HEXIM1: variants seen among roughly 807,000 people sequenced by gnomAD.
HEXIM1 encodes HEXIM P-TEFb complex subunit 1.
HEXIM1 carries 1 observed loss-of-function variant against 30.3 expected under a neutral mutation model. The observed-to-expected ratio is 0.03, with a 90% CI of 0.01 to 0.16. The LOEUF is 0.16. Among genes scored for constraint, HEXIM1 ranks in the 10% least tolerant of loss-of-function variants. HEXIM1 has a pLI of 1.00. For missense variants in HEXIM1, 391 were observed against 476.4 expected (o/e 0.82, Z 1.67); for synonymous variants, 245 against 208.3 (o/e 1.18, Z -1.52).
At position 45,150,150 on chromosome 17, in the gene HEXIM1, G is replaced by C. The variant is rs1342267787; in HGVS notation, c.960G>C (p.Ala320=). ...GCAAGCGGCTGGGTGGCGACGACGC[G>C]CGTGTGCGGGAGCTGGAGCTGGAGC... The part of the protein sequence containing the change: ...LESKRLGGDD[A]RVRELELELD... The change falls in exon 1 of 1, where the codon GCG becomes GCC. Residue 320 remains alanine (A), a synonymous_variant. Coordinates refer to ENST00000332499, the MANE Select transcript of HEXIM1 (RefSeq NM_006460.3). 3.1e-6 allele frequency: 5 copies of C among 1,613,392 alleles called. No individual in the cohort carries two copies. Among genetic ancestry groups the C allele is most frequent in the Admixed American group, 3.3e-5 (2 of 60,002 alleles).
Position 45,150,911 on chromosome 17 carries a change from T to C in HEXIM1, c.*641T>C, listed in dbSNP as rs1182303243. The stretch of plus-strand genomic sequence containing the variant: ...TTGCTTTCTAGTGCCTTGGTTTTCT[T>C]TCTTGATGCTGGAAAAATAAACAAA... On this transcript the variant is annotated 3_prime_UTR_variant, in exon 1 of 1. Coordinates refer to ENST00000332499, the MANE Select transcript of HEXIM1 (RefSeq NM_006460.3). The C allele has an allele frequency of 6.0e-6, 1 of 167,096 alleles. No homozygotes were observed. The highest frequency in any genetic ancestry group is 1.5e-5 in the Non-Finnish European group (1 of 68,136). 10.4% of individuals were successfully genotyped at this position (167,096 alleles called of 1,614,324 possible). A position where few individuals can be genotyped will look rare whatever the true frequency, so the allele number is the denominator to read the frequency against.
Position 45,148,549 on chromosome 17 carries a change from G to A in HEXIM1, c.-642G>A. 2.5e-6 allele frequency: 1 copy of A among 399,974 alleles called. No individual in the cohort carries two copies. Among genetic ancestry groups the A allele is most frequent in the Non-Finnish European group, 4.4e-6 (1 of 226,896 alleles). The allele number at this position is 399,974 out of a possible 1,614,324, so 24.8% of individuals were successfully genotyped here. A position where few individuals can be genotyped will look rare whatever the true frequency, so the allele number is the denominator to read the frequency against. ...GGGAGGACGCGGAAGAGGAGCTGTG[G>A]GAAGGGGGAGGAGGGAGGGAGGAAA... On this transcript the variant is annotated 5_prime_UTR_variant, in exon 1 of 1. Transcript: ENST00000332499.
Position 45,150,564 on chromosome 17 carries a change from C to A in HEXIM1, c.*294C>A. The A allele has an allele frequency of 2.8e-6, 1 of 351,898 alleles. No homozygotes were observed. The allele number at this position is 351,898 out of a possible 1,614,324, so 21.8% of individuals were successfully genotyped here. A position where few individuals can be genotyped will look rare whatever the true frequency, so the allele number is the denominator to read the frequency against. ...AATGCATTTTTGTTTTTAACAAATC[C>A]CCTCCTTAAACGGAGCTATAAGGTG... On this transcript the variant is annotated 3_prime_UTR_variant, in exon 1 of 1. Transcript: ENST00000332499.
Position 45,149,694 on chromosome 17 carries a change from C to T in HEXIM1, c.504C>T (p.Tyr168=). ...SKKKRHWKPY[Y]KLTWEEKKKF... Reference sequence around the variant, plus strand: ...AGAAGCGGCATTGGAAACCGTACTACAAGCTGACCTGGGAAGAGAAGAAAA... The same window carrying T: ...AGAAGCGGCATTGGAAACCGTACTATAAGCTGACCTGGGAAGAGAAGAAAA... Residue 168 remains tyrosine (Y), a synonymous_variant, in exon 1 of 1, where the codon TAC becomes TAT. Coordinates refer to ENST00000332499, the MANE Select transcript of HEXIM1 (RefSeq NM_006460.3). This position sits in a 1 kb window ranked among gnomAD's most constrained non-coding sequence, Gnocchi z 5.3. The T allele has an allele frequency of 6.2e-7, 1 of 1,612,672 alleles. No homozygotes were observed. Among genetic ancestry groups the T allele is most frequent in the African/African-American group, 1.3e-5 (1 of 74,992 alleles).
rs111687345 is a variant in HEXIM1, at chr17:45,149,105, CTTTT to C, written c.-84_-81del. 8 of 1,139,442 alleles carry C rather than the reference CTTTT, an allele frequency of 7.0e-6. No homozygotes were observed. The highest frequency in any genetic ancestry group is 8.5e-6 in the Non-Finnish European group (7 of 827,272). The allele number at this position is 1,139,442 out of a possible 1,614,324, so 70.6% of individuals were successfully genotyped here. A position where few individuals can be genotyped will look rare whatever the true frequency, so the allele number is the denominator to read the frequency against. ...GACTCTGTTGGACTGTTTTTTTTTT[CTTTT>C]TCTTTTTTTTAAGAAAAACCCATTT... On this transcript the variant is annotated 5_prime_UTR_variant, in exon 1 of 1. Transcript: ENST00000332499. The surrounding 1 kb of genome is among the most constrained non-coding windows in gnomAD (Gnocchi z 5.3).
Position 45,148,848 on chromosome 17 carries a change from AC to A in HEXIM1, c.-340del. The stretch of plus-strand genomic sequence containing the variant: ...GGGCTGGGTTTCACGCACTGGACTT[AC>A]CCTCATCACCTTGCTCACCAACTCC... On this transcript the variant is annotated 5_prime_UTR_variant, in exon 1 of 1. Transcript: ENST00000332499. 2.3e-6 allele frequency: 1 copy of A among 426,792 alleles called. No individual in the cohort carries two copies. The highest frequency in any genetic ancestry group is 4.1e-6 in the Non-Finnish European group (1 of 241,900). 26.4% of individuals were successfully genotyped at this position (426,792 alleles called of 1,614,324 possible). A position where few individuals can be genotyped will look rare whatever the true frequency, so the allele number is the denominator to read the frequency against.
At position 45,150,075 on chromosome 17, in the gene HEXIM1, G is replaced by C; in HGVS notation, c.885G>C (p.Glu295Asp). 1 of 1,613,992 alleles carries C rather than the reference G, an allele frequency of 6.2e-7. No individual in the cohort carries two copies. The highest frequency in any genetic ancestry group is 8.5e-7 in the Non-Finnish European group (1 of 1,180,050). Residue 295 changes from glutamate to aspartate, a missense_variant, in exon 1 of 1, where the codon GAG becomes GAC. Physicochemically the swap from Glu to Asp is conservative, Grantham distance 45. This residue lies in a region of HEXIM1 where 20 missense variants were observed against 68.1 expected (regional missense o/e 0.29). Transcript: ENST00000332499. The part of the protein sequence containing the change: ...QELIKEYLEL[E>D]KCLSRMEDEN... Reference sequence around the variant, plus strand: ...TCATCAAGGAGTACCTGGAACTGGAGAAGTGCCTCTCGCGCATGGAGGACG... The same window carrying C: ...TCATCAAGGAGTACCTGGAACTGGACAAGTGCCTCTCGCGCATGGAGGACG...
chr17:45,151,878 G>A lies in HEXIM1; in HGVS notation c.*1608G>A, dbSNP rs2055549650. 1.2e-5 allele frequency: 2 copies of A among 167,114 alleles called. No homozygotes were observed. Among genetic ancestry groups the A allele is most frequent in the South Asian group, 2.1e-4 (1 of 4,828 alleles). 10.4% of individuals were successfully genotyped at this position (167,114 alleles called of 1,614,324 possible). ...AAGCATGCTTTTGCAGTTAAATGGC[G>A]ATGGTGGAGGTGATAGGGACTTCAA... On this transcript the variant is annotated 3_prime_UTR_variant, in exon 1 of 1. Transcript: ENST00000332499.
Position 45,149,536 on chromosome 17 carries a change from G to A in HEXIM1, c.346G>A (p.Glu116Lys), listed in dbSNP as rs745438153. 6 of 1,606,438 alleles carry A rather than the reference G, an allele frequency of 3.7e-6. No homozygotes were observed. Among genetic ancestry groups the A allele is most frequent in the South Asian group, 1.1e-5 (1 of 90,580 alleles). ...AGAAGTGGAACCGACGCCCGAGGCC[G>A]AGCTGCTCGCCCAGCCTTGTCATGA... ...PAEVEPTPEAELLAQPCHDSE... is the reference protein window; with the variant it reads ...PAEVEPTPEAKLLAQPCHDSE... Residue 116 changes from glutamate to lysine, a missense_variant, in exon 1 of 1, where the codon GAG becomes AAG. Around this residue, in one of 5 missense-constraint regions of HEXIM1, gnomAD observed 230 missense variants for 199.4 expected, o/e 1.15. Transcript: ENST00000332499. This position sits in a 1 kb window ranked among gnomAD's most constrained non-coding sequence, Gnocchi z 5.3.
In HEXIM1 at chr17:45,148,844, A is replaced by G; in HGVS notation, c.-347A>G. On this transcript the variant is annotated 5_prime_UTR_variant, in exon 1 of 1. Transcript: ENST00000332499. ...TTCGGGGCTGGGTTTCACGCACTGG[A>G]CTTACCCTCATCACCTTGCTCACCA... 2.3e-6 allele frequency: 1 copy of G among 426,384 alleles called. No homozygotes were observed. Among genetic ancestry groups the G allele is most frequent in the Non-Finnish European group, 4.1e-6 (1 of 241,622 alleles). 26.4% of individuals were successfully genotyped at this position (426,384 alleles called of 1,614,324 possible). A position where few individuals can be genotyped will look rare whatever the true frequency, so the allele number is the denominator to read the frequency against.
chr17:45,148,922 T>G lies in HEXIM1; in HGVS notation c.-269T>G. 1 of 470,146 alleles carries G rather than the reference T, an allele frequency of 2.1e-6. No individual in the cohort carries two copies. Among genetic ancestry groups the G allele is most frequent in the Non-Finnish European group, 3.7e-6 (1 of 267,980 alleles). 29.1% of individuals were successfully genotyped at this position (470,146 alleles called of 1,614,324 possible). On this transcript the variant is annotated 5_prime_UTR_variant, in exon 1 of 1. It adds an upstream start codon to the 5' untranslated region. Coordinates refer to ENST00000332499, the MANE Select transcript of HEXIM1 (RefSeq NM_006460.3). ...AGGTTTGAGGCCCACCTCCGCCCAT[T>G]ACGTACTGTTCCTGCCGCTGCACCC...
In HEXIM1 at chr17:45,148,586, C is replaced by T. The variant is rs1322877519; in HGVS notation, c.-605C>T. ...AGGGAGGGAGGAAAAGAGGAGGAGG[C>T]GGAGGAGAACTGAGCAGAGCAGAGC... On this transcript the variant is annotated 5_prime_UTR_variant, in exon 1 of 1. Coordinates refer to ENST00000332499, the MANE Select transcript of HEXIM1 (RefSeq NM_006460.3). The T allele has an allele frequency of 2.0e-5, 8 of 399,044 alleles. No individual in the cohort carries two copies. Among genetic ancestry groups the T allele is most frequent in the Admixed American group, 8.8e-5 (2 of 22,670 alleles). The allele number at this position is 399,044 out of a possible 1,614,324, so 24.7% of individuals were successfully genotyped here. A position where few individuals can be genotyped will look rare whatever the true frequency, so the allele number is the denominator to read the frequency against.
Position 45,148,854 on chromosome 17 carries a change from A to G in HEXIM1, c.-337A>G, listed in dbSNP as rs1300477205. ...GGTTTCACGCACTGGACTTACCCTC[A>G]TCACCTTGCTCACCAACTCCTTTAT... is the stretch of plus-strand genomic sequence containing the variant. On this transcript the variant is annotated 5_prime_UTR_variant, in exon 1 of 1. Coordinates refer to ENST00000332499, the MANE Select transcript of HEXIM1 (RefSeq NM_006460.3). 7.0e-6 allele frequency: 3 copies of G among 429,832 alleles called. No homozygotes were observed. The highest frequency in any genetic ancestry group is 4.1e-5 in the African/African-American group (2 of 48,960). The allele number at this position is 429,832 out of a possible 1,614,324, so 26.6% of individuals were successfully genotyped here. A position where few individuals can be genotyped will look rare whatever the true frequency, so the allele number is the denominator to read the frequency against.
rs776102182 is a variant in HEXIM1 at position 45,150,219 on chromosome 17, C to G, written c.1029C>G (p.Asn343Lys). Residue 343 changes from asparagine (N) to lysine (K), a missense_variant, in exon 1 of 1, where the codon AAC becomes AAG. Transcript: ENST00000332499. ...RAENLQLLTENELHRQQERAP... is the reference protein window; with the variant it reads ...RAENLQLLTEKELHRQQERAP... Reference sequence around the variant, plus strand: ...AGAACCTCCAGCTGCTGACCGAGAACGAACTGCACCGGCAGCAGGAGCGAG... The same window carrying G: ...AGAACCTCCAGCTGCTGACCGAGAAGGAACTGCACCGGCAGCAGGAGCGAG... 2.0e-5 allele frequency: 33 copies of G among 1,611,170 alleles called. No individual in the cohort carries two copies. Among genetic ancestry groups the G allele is most frequent in the Non-Finnish European group, 2.8e-5 (33 of 1,178,496 alleles).
In HEXIM1 at chr17:45,148,551, A is replaced by C; in HGVS notation, c.-640A>C. 2.6e-6 allele frequency: 1 copy of C among 387,700 alleles called. No individual in the cohort carries two copies. Among genetic ancestry groups the C allele is most frequent in the Non-Finnish European group, 4.6e-6 (1 of 219,748 alleles). 24.0% of individuals were successfully genotyped at this position (387,700 alleles called of 1,614,324 possible). On this transcript the variant is annotated 5_prime_UTR_variant, in exon 1 of 1. Coordinates refer to ENST00000332499, the MANE Select transcript of HEXIM1 (RefSeq NM_006460.3). ...GAGGACGCGGAAGAGGAGCTGTGGGAAGGGGGAGGAGGGAGGGAGGAAAAG... is the reference window on the plus strand; with the variant it reads ...GAGGACGCGGAAGAGGAGCTGTGGGCAGGGGGAGGAGGGAGGGAGGAAAAG...
At position 45,149,214 on chromosome 17, in the gene HEXIM1, A is replaced by T; in HGVS notation, c.24A>T (p.Glu8Asp). The change falls in exon 1 of 1, where the codon GAA (glutamate) becomes GAT (aspartate). Residue 8 changes from glutamate to aspartate, a missense_variant. Transcript: ENST00000332499. This position sits in a 1 kb window ranked among gnomAD's most constrained non-coding sequence, Gnocchi z 5.3. MAEPFLS[E>D]YQHQPQTSNC... ...CCATGGCCGAGCCATTCTTGTCAGA[A>T]TATCAACACCAGCCTCAAACTAGCA... The T allele has an allele frequency of 6.2e-7, 1 of 1,613,002 alleles. No homozygotes were observed. The highest frequency in any genetic ancestry group is 1.1e-5 in the South Asian group (1 of 91,078).
rs538565184 is a variant in HEXIM1, at chr17:45,148,737, C to A, written c.-454C>A. On this transcript the variant is annotated 5_prime_UTR_variant, in exon 1 of 1. Coordinates refer to ENST00000332499, the MANE Select transcript of HEXIM1 (RefSeq NM_006460.3). ...GAGGAGGTGGCGCCGGGACTTTAACCCCTTGTGGGCTCTGCGGCAGGGGAT... is the reference window on the plus strand; with the variant it reads ...GAGGAGGTGGCGCCGGGACTTTAACACCTTGTGGGCTCTGCGGCAGGGGAT... 4 of 401,452 alleles carry A rather than the reference C, an allele frequency of 1.0e-5. No homozygotes were observed. Among genetic ancestry groups the A allele is most frequent in the Admixed American group, 8.7e-5 (2 of 23,114 alleles). The allele number at this position is 401,452 out of a possible 1,614,324, so 24.9% of individuals were successfully genotyped here. A position where few individuals can be genotyped will look rare whatever the true frequency, so the allele number is the denominator to read the frequency against.
Position 45,148,600 on chromosome 17 carries a change from G to A in HEXIM1, c.-591G>A. ...AGAGGAGGAGGCGGAGGAGAACTGA[G>A]CAGAGCAGAGCATCGAGCCAAAGGG... On this transcript the variant is annotated 5_prime_UTR_variant, in exon 1 of 1. Transcript: ENST00000332499. 2.5e-6 allele frequency: 1 copy of A among 399,426 alleles called. No individual in the cohort carries two copies. 24.7% of individuals were successfully genotyped at this position (399,426 alleles called of 1,614,324 possible).
rs200646346 is a variant in HEXIM1, at chr17:45,150,407, C to G, written c.*137C>G. On this transcript the variant is annotated 3_prime_UTR_variant, in exon 1 of 1. Transcript: ENST00000332499. ...AGAGAAATCCCCCTGGCTTTGGTTT[C>G]GTAAATTTAGCTATATGTAGCTTGC... 10 of 452,742 alleles carry G rather than the reference C, an allele frequency of 2.2e-5. No individual in the cohort carries two copies. The highest frequency in any genetic ancestry group is 3.8e-5 in the Non-Finnish European group (10 of 261,664). The allele number at this position is 452,742 out of a possible 1,614,324, so 28.0% of individuals were successfully genotyped here. A position where few individuals can be genotyped will look rare whatever the true frequency, so the allele number is the denominator to read the frequency against.
Sources: gnomAD v4.1 joint callset for allele counts on GRCh38, gnomAD v4.1.1 for gene constraint, gnomAD v4.1.1 regional missense constraint, Gnocchi (gnomAD v3.1) non-coding constraint, MANE v1.5 for transcripts, NCBI Gene and HGNC (gene_info 2026-07-23, HGNC 2026-07-21) for gene names.